Variants in MEDAG observed in about 807,000 individuals in gnomAD.
MEDAG encodes the protein mesenteric estrogen-dependent adipogenesis protein.
MEDAG carries 25 observed loss-of-function variants against 29.9 expected under a neutral mutation model. That is an observed-to-expected ratio of 0.84 (90% CI 0.61 to 1.17). MEDAG has a LOEUF of 1.17. Ranked by LOEUF, MEDAG falls within the 50% of genes most tolerant of loss-of-function variation. The pLI, the probability that MEDAG is intolerant of heterozygous loss-of-function variation, is 0.00. For synonymous variants in MEDAG, 158 were observed against 148.2 expected (o/e 1.07, Z -0.48); for missense variants, 398 against 372.9 (o/e 1.07, Z -0.56).
chr13:30,912,519 A>G (rs1260473701), intron 1 of MEDAG, among the ~76,000 whole-genome samples: 4 of 18,250 alleles, frequency 2.2e-4, no homozygotes, highest in African/African-American at 1.7e-3. Context: ...ACACACACAC[A>G]CACACACACA....
chr13:30,918,638 G>A (rs190394542), intron 2 of MEDAG, among the ~76,000 whole-genome samples: 1 of 152,284 alleles, frequency 6.6e-6, no homozygotes, highest in Admixed American at 6.5e-5. Context: ...ATAACGTTCT[G>A]TAATAGAAGT....
intron 1 of MEDAG, 34 bp from the exon 2 acceptor site, chr13:30,917,369 C>A (rs140495001): frequency 1.7e-6 from 2 of 1,209,096 alleles, no homozygotes; most frequent in Admixed American, 1.7e-5. Flanking sequence ...TGAAAGGGTA[C>A]GTTACATTTG....
intron 2 of MEDAG, among the ~76,000 whole-genome samples, chr13:30,920,097 C>A (rs144965779): frequency 1.3e-5 from 2 of 152,250 alleles, no homozygotes; most frequent in African/African-American, 4.8e-5. Context: ...GGAGAAGAAT[C>A]AACCTCTGGT....
At chr13:30,914,176 A>G (rs1164109756) in intron 1 of MEDAG, among the ~76,000 whole-genome samples, 4 of 152,232 alleles carry the variant, frequency 2.6e-5, no homozygotes, top group African/African-American at 9.6e-5. Flanking sequence ...CTTAACAACT[A>G]AATTCTCCGA....
intron 1 of MEDAG, among the ~76,000 whole-genome samples, chr13:30,909,730 C>G (rs140045920): frequency 2.6e-4 from 39 of 152,162 alleles, no homozygotes; most frequent in Non-Finnish European, 4.7e-4. Flanking sequence ...ATTAGAATTT[C>G]TTTCTGGGAC....
intron 1 of MEDAG, among the ~76,000 whole-genome samples, chr13:30,914,041 C>A (rs1207506972): frequency 2.0e-5 from 3 of 152,034 alleles, no homozygotes; most frequent in Non-Finnish European, 4.4e-5. Flanking sequence ...GACTCCATCT[C>A]AAAAAACAAA....
chr13:30,917,550 A>G, intron 2 of MEDAG, 38 bp downstream of exon 2: 1 of 1,092,720 alleles, frequency 9.2e-7, no homozygotes, highest in Non-Finnish European at 1.4e-6. Context: ...CACTGCTATA[A>G]AGAAATACCT....
intron 2 of MEDAG, among the ~76,000 whole-genome samples, chr13:30,918,283 T>C (rs552562062): frequency 1.3e-5 from 2 of 152,286 alleles, no homozygotes; most frequent in Non-Finnish European, 2.9e-5. Context: ...GCTTATCAAT[T>C]CAGGACGTTA....
chr13:30,916,994 C>T (rs1952935542), intron 1 of MEDAG, among the ~76,000 whole-genome samples: 1 of 152,124 alleles, frequency 6.6e-6, no homozygotes, highest in African/African-American at 2.4e-5. Flanking sequence ...AAGGAAAATT[C>T]AAGACCCACA....
intron 1 of MEDAG, among the ~76,000 whole-genome samples, chr13:30,913,746 A>G (rs1952902028): frequency 1.3e-5 from 2 of 152,144 alleles, no homozygotes; most frequent in East Asian, 1.9e-4. Flanking sequence ...ATTCTGAAAT[A>G]TCTATGATTA....
At chr13:30,916,939 G>A (rs544843474) in intron 1 of MEDAG, among the ~76,000 whole-genome samples, 10 of 152,282 alleles carry the variant, frequency 6.6e-5, no homozygotes, top group Admixed American at 5.2e-4. Context: ...AATCTATGGA[G>A]GGGGCTGGTT....
intron 1 of MEDAG, among the ~76,000 whole-genome samples, chr13:30,910,753 C>CA (rs1457473027): frequency 6.6e-6 from 1 of 152,214 alleles, no homozygotes; most frequent in Non-Finnish European, 1.5e-5. Flanking sequence ...GCGGAGAATG[C>CA]AGGTGAGGTG....
intron 2 of MEDAG, among the ~76,000 whole-genome samples, chr13:30,919,961 G>A (rs1373287138): frequency 6.6e-6 from 1 of 152,126 alleles, no homozygotes; most frequent in African/African-American, 2.4e-5. Flanking sequence ...GAACATGAGG[G>A]GTTACCAAAC....
At chr13:30,909,500 A>T (rs1302423312) in intron 1 of MEDAG, among the ~76,000 whole-genome samples, 1 of 152,102 alleles carries the variant, frequency 6.6e-6, no homozygotes, top group Admixed American at 6.5e-5. Context: ...ATGGCCAGGG[A>T]TCCCAAAAGG....
intron 2 of MEDAG, among the ~76,000 whole-genome samples, chr13:30,919,719 T>C (rs11842358): frequency 0.015 from 2,216 of 152,252 alleles, 60 homozygotes; most frequent in African/African-American, 0.049. Context: ...CTCTGAGATA[T>C]CTCAAAGTCA....
chr13:30,908,417 T>C (rs1381858783), intron 1 of MEDAG, among the ~76,000 whole-genome samples: 1 of 152,184 alleles, frequency 6.6e-6, no homozygotes, highest in Non-Finnish European at 1.5e-5. Flanking sequence ...GAAGGAGCTA[T>C]CTATTGTCCT....
chr13:30,917,301 C>G, intron 1 of MEDAG, 102 bp from the exon 2 acceptor site: 1 of 751,638 alleles, frequency 1.3e-6, no homozygotes, highest in Non-Finnish European at 2.4e-6. Context: ...AGGAACTTCC[C>G]TCCAAGGTCT....
intron 2 of MEDAG, among the ~76,000 whole-genome samples, chr13:30,920,189 G>C (rs1162296942): frequency 2.0e-5 from 3 of 152,192 alleles, no homozygotes; most frequent in Non-Finnish European, 4.4e-5. Flanking sequence ...TGGGCATGGG[G>C]TAGGGGTAGG....
chr13:30,913,965 A>T (rs1952903935), intron 1 of MEDAG, among the ~76,000 whole-genome samples: 3 of 152,158 alleles, frequency 2.0e-5, no homozygotes, highest in African/African-American at 7.2e-5. Flanking sequence ...TTGCTTGAAC[A>T]TGGGAGACGG....
Sources: gnomAD v4.1 joint callset for allele counts (sites outside exome capture counted in the v4.1 genomes callset) on GRCh38, gnomAD v4.1.1 for gene constraint, MANE v1.5 for transcripts, NCBI Gene and HGNC (gene_info 2026-07-23, HGNC 2026-07-21) for gene names.